The following LRP6 variants were observed in gnomAD, a reference collection of about 807,000 sequenced individuals.
LRP6 encodes LDL receptor related protein 6, also known as low-density lipoprotein receptor-related protein 6.
A neutral mutation model predicts 184.1 loss-of-function variants in LRP6; 43 were observed. That is an observed-to-expected ratio of 0.23 (90% CI 0.18 to 0.30). LRP6 has a LOEUF of 0.30. LRP6 is among the 10% of genes least tolerant of loss of function. The probability of loss-of-function intolerance (pLI) is 1.00; values close to 1 mark genes in which losing one functional copy is unlikely to be tolerated. For synonymous variants in LRP6, 719 were observed against 684.9 expected (o/e 1.05, Z -0.78); for missense variants, 1,571 against 2,005.3 (o/e 0.78, Z 4.14).
chr12:12,163,470 G>A (rs1479065853), intron 9 of LRP6, among the ~76,000 whole-genome samples: 1 of 152,170 alleles, frequency 6.6e-6, no homozygotes, highest in East Asian at 1.9e-4. Context: ...CAATCTGGAA[G>A]AAGAAAAGAT....
chr12:12,249,654 A>G (rs1023997706), intron 1 of LRP6, among the ~76,000 whole-genome samples: 3 of 150,752 alleles, frequency 2.0e-5, no homozygotes, highest in South Asian at 2.1e-4. Flanking sequence ...TTTGAAATAT[A>G]TAAGTTGTGC....
intron 3 of LRP6, among the ~76,000 whole-genome samples, chr12:12,192,278 C>T (rs1863638572): frequency 6.6e-6 from 1 of 151,356 alleles, no homozygotes; most frequent in African/African-American, 2.4e-5. Context: ...CCTTTAAAAT[C>T]CCCAAAATAC....
Position 12,131,953 on chromosome 12 carries a change from T to C in LRP6, c.3838A>G (p.Ser1280Gly). 6.2e-7 allele frequency: 1 copy of C among 1,614,178 alleles called. No homozygotes were observed. Among genetic ancestry groups the C allele is most frequent in the Non-Finnish European group, 8.5e-7 (1 of 1,180,028 alleles). The part of the protein sequence containing the change: ...CDGFTECEDH[S>G]DELNCPVCSE... The stretch of plus-strand genomic sequence containing the variant: ...CATACAGGACAATTGAGTTCATCAC[T>C]GTGGTCTTCACATTCAGTAAACCCA... Residue 1280 changes from serine to glycine, a missense_variant, in exon 18 of 23, where the codon AGT (serine) becomes GGT (glycine). Transcript: ENST00000261349.
intron 1 of LRP6, among the ~76,000 whole-genome samples, chr12:12,260,430 A>G (rs1565731408): frequency 6.6e-6 from 1 of 152,202 alleles, no homozygotes; most frequent in Non-Finnish European, 1.5e-5. Flanking sequence ...ATATCAAACA[A>G]AACAGAAATT....
In LRP6 at chr12:12,117,260, G is replaced by T. The variant is rs188282778; in HGVS notation, c.*3866C>A. 5.9e-5 allele frequency: 9 copies of T among 152,208 alleles called. No homozygotes were observed. The highest frequency in any genetic ancestry group is 5.9e-5 in the Non-Finnish European group (4 of 67,998). 9.4% of individuals were successfully genotyped at this position (152,208 alleles called of 1,614,324 possible). On this transcript the variant is annotated 3_prime_UTR_variant, in exon 23 of 23. Coordinates refer to ENST00000261349, the MANE Select transcript of LRP6 (RefSeq NM_002336.3). The stretch of plus-strand genomic sequence containing the variant: ...AACACCTGACTATAAGCTTCTTTAG[G>T]ACTCAGTCCACACTTAGTGCATAGT...
rs1863970492 is a variant in LRP6 at position 12,203,509 on chromosome 12, G to A, written c.450-109C>T. 3 of 862,636 alleles carry A rather than the reference G, an allele frequency of 3.5e-6. No individual in the cohort carries two copies. The East Asian group carries it at 7.8e-5, about 22-fold the overall frequency. 53.4% of individuals were successfully genotyped at this position (862,636 alleles called of 1,614,324 possible). On this transcript the variant is annotated intron_variant, in intron 2 of 22. Coordinates refer to ENST00000261349, the MANE Select transcript of LRP6 (RefSeq NM_002336.3). ...AGGCCGCGCGCAGTGGCTCACACTT[G>A]TAATCCCAGCACTCTGGGAGGCTGA...
At chr12:12,231,257 T>A (rs1319015939) in intron 2 of LRP6, among the ~76,000 whole-genome samples, 1 of 150,622 alleles carries the variant, frequency 6.6e-6, no homozygotes, top group Non-Finnish European at 1.5e-5. Flanking sequence ...TTTTCTGATT[T>A]CAGAAACTGA....
At chr12:12,209,860 G>C (rs1262379718) in intron 2 of LRP6, among the ~76,000 whole-genome samples, 1 of 152,148 alleles carries the variant, frequency 6.6e-6, no homozygotes, top group Non-Finnish European at 1.5e-5. Flanking sequence ...CAAGTATATT[G>C]AGGAAGGTAT....
chr12:12,218,242 G>A (rs1478928569), intron 2 of LRP6, among the ~76,000 whole-genome samples: 1 of 152,126 alleles, frequency 6.6e-6, no homozygotes, highest in Non-Finnish European at 1.5e-5. Flanking sequence ...GGAGGCCAAA[G>A]TGGGAGGACC....
At chr12:12,264,143 TAA>T (rs559250351) in intron 1 of LRP6, among the ~76,000 whole-genome samples, 1 of 144,736 alleles carries the variant, frequency 6.9e-6, no homozygotes. Flanking sequence ...TTTGTCTCTT[TAA>T]AAAAAAAAAA....
intron 4 of LRP6, among the ~76,000 whole-genome samples, chr12:12,185,756 CAAGCTGAGGTACTTA>C (rs897281704): frequency 2.2e-4 from 34 of 151,624 alleles, no homozygotes; most frequent in African/African-American, 8.0e-4. Flanking sequence ...TTTTATTTAG[CAAGCTGAGGTACTTA>C]AATTCAAATA....
intron 12 of LRP6, among the ~76,000 whole-genome samples, chr12:12,156,650 A>T (rs1862587402): frequency 6.6e-6 from 1 of 152,250 alleles, no homozygotes; most frequent in South Asian, 2.1e-4. Flanking sequence ...TACTCTCTTC[A>T]GGGTTAATAA....
In LRP6 at chr12:12,196,710, T is replaced by G. The variant is rs114159091; in HGVS notation, c.647+6493A>C. On this transcript the variant is annotated intron_variant, in intron 3 of 22. Transcript: ENST00000261349. Reference sequence around the variant, plus strand: ...GTCCAGATCTGCTGATGTACTCTCATGGTGCAGTTCAATGTTTCTCTGTCC... The same window carrying G: ...GTCCAGATCTGCTGATGTACTCTCAGGGTGCAGTTCAATGTTTCTCTGTCC... Among the ~76,000 whole-genome samples, 462 of 152,284 alleles carry G rather than the reference T, an allele frequency of 3.0e-3. 3 individuals carry two copies. The highest frequency in any genetic ancestry group is 0.01 in the African/African-American group (435 of 41,568).
chr12:12,117,102 C>G lies in LRP6; in HGVS notation c.*4024G>C, dbSNP rs969804038. On this transcript the variant is annotated 3_prime_UTR_variant, in exon 23 of 23. Transcript: ENST00000261349. ...AAAGTCAGAAGCCACACATGCACTA[C>G]AAGTACTTTCTAAAATCATCTTTCA... The G allele has an allele frequency of 4.6e-5, 7 of 152,196 alleles. No homozygotes were observed. The highest frequency in any genetic ancestry group is 8.8e-5 in the Non-Finnish European group (6 of 68,026). The allele number at this position is 152,196 out of a possible 1,614,324, so 9.4% of individuals were successfully genotyped here. A position where few individuals can be genotyped will look rare whatever the true frequency, so the allele number is the denominator to read the frequency against.
chr12:12,154,053 C>A (rs1039454565), intron 12 of LRP6, among the ~76,000 whole-genome samples: 16 of 152,202 alleles, frequency 1.1e-4, no homozygotes, highest in Admixed American at 5.9e-4. Flanking sequence ...GAGGAAACAT[C>A]TTTTTCCAAT....
At position 12,266,995 on chromosome 12, in the gene LRP6, C is replaced by G. The variant is rs956496269; in HGVS notation, c.-260G>C. ...CTCCTCCCCCGGCGCCCCGCTTCCC[C>G]CGCGCAGCTCCTCATTCAGCCTCTG... is the stretch of plus-strand genomic sequence containing the variant. On this transcript the variant is annotated 5_prime_UTR_variant, in exon 1 of 23. Coordinates refer to ENST00000261349, the MANE Select transcript of LRP6 (RefSeq NM_002336.3). 1 of 525,726 alleles carries G rather than the reference C, an allele frequency of 1.9e-6. No individual in the cohort carries two copies. Among genetic ancestry groups the G allele is most frequent in the South Asian group, 2.4e-5 (1 of 42,318 alleles). 32.6% of individuals were successfully genotyped at this position (525,726 alleles called of 1,614,324 possible). A position where few individuals can be genotyped will look rare whatever the true frequency, so the allele number is the denominator to read the frequency against.
intron 1 of LRP6, among the ~76,000 whole-genome samples, chr12:12,259,036 T>C (rs1037410222): frequency 6.6e-6 from 1 of 151,892 alleles, no homozygotes; most frequent in African/African-American, 2.4e-5. Context: ...CCAAAGCGGG[T>C]GGACCACCTG....
intron 11 of LRP6, 120 bp downstream of exon 11, chr12:12,159,657 CAGA>C (rs1241084642): frequency 2.0e-4 from 181 of 888,298 alleles, no homozygotes; most frequent in Non-Finnish European, 8.2e-5. Context: ...AATTCCAGAA[CAGA>C]AGAAGAATGG....
intron 12 of LRP6, 61 bp downstream of exon 12, chr12:12,158,768 A>G: frequency 6.6e-7 from 1 of 1,524,322 alleles, no homozygotes; most frequent in South Asian, 1.1e-5. Flanking sequence ...CACACACTAA[A>G]GTACTTTGAA....
Sources: allele counts gnomAD v4.1 joint callset (sites outside exome capture counted in the v4.1 genomes callset), GRCh38; gene constraint gnomAD v4.1.1; transcripts MANE v1.5; gene names NCBI Gene and HGNC (gene_info 2026-07-23, HGNC 2026-07-21).